The following CCDC171 variants were observed in gnomAD, a reference collection of about 807,000 sequenced individuals.
The protein encoded by CCDC171 is coiled-coil domain containing 171.
Under a neutral mutation model 168.2 loss-of-function variants are expected in CCDC171, and 177 were observed. That is an observed-to-expected ratio of 1.05 (90% CI 0.93 to 1.19). The LOEUF (loss-of-function observed/expected upper bound fraction) is 1.19, where lower values mean the gene tolerates loss of function less well. Among genes scored for constraint, CCDC171 ranks in the 50% most tolerant of loss-of-function variants. CCDC171 has a pLI of 0.00. For missense variants in CCDC171, 1,991 were observed against 1,539.0 expected, an observed-to-expected ratio of 1.29 and a Z score of -4.91; for synonymous variants, 687 against 540.8, an observed-to-expected ratio of 1.27 and a Z score of -3.75.
intron 21 of CCDC171, among the ~76,000 whole-genome samples, chr9:15,824,382 C>T (rs942272812): frequency 2.6e-5 from 4 of 151,708 alleles, no homozygotes; most frequent in South Asian, 2.1e-4. Context: ...ATGTCTGTCA[C>T]GATGTTTATT....
the CCDC171 span, among the ~76,000 whole-genome samples, chr9:16,069,601 A>C: frequency 1.3e-5 from 2 of 152,368 alleles, no homozygotes; most frequent in East Asian, 1.9e-4. Context: ...ACTGTGCTAC[A>C]TTAGAATTTA....
intron 10 of CCDC171, among the ~76,000 whole-genome samples, chr9:15,684,382 G>GT (rs1344093923): frequency 4.0e-5 from 6 of 151,100 alleles, no homozygotes; most frequent in African/African-American, 1.5e-4. Context: ...AAACCTGTTT[G>GT]TTTTTTCTAT....
chr9:16,017,781 A>G (rs1401145860), intron 3 of CCDC171, among the ~76,000 whole-genome samples: 1 of 152,222 alleles, frequency 6.6e-6, no homozygotes, highest in Non-Finnish European at 1.5e-5. Context: ...GAATTCACCT[A>G]GCTTACAAAT....
intron 21 of CCDC171, among the ~76,000 whole-genome samples, chr9:15,813,624 A>G (rs35971661): frequency 0.43 from 64,190 of 148,534 alleles, 13,911 homozygotes; most frequent in African/African-American, 0.46. Flanking sequence ...GTGTGTGTGT[A>G]TATATATATA....
chr9:15,968,734 C>G (rs1831053817), intron 25 of CCDC171, among the ~76,000 whole-genome samples: 1 of 151,858 alleles, frequency 6.6e-6, no homozygotes, highest in South Asian at 2.1e-4. Flanking sequence ...AGACGAGGTT[C>G]CACCATGTTG....
intron 3 of CCDC171, among the ~76,000 whole-genome samples, chr9:15,983,059 A>C (rs527292415): frequency 9.9e-5 from 15 of 152,256 alleles, no homozygotes; most frequent in African/African-American, 3.6e-4. Flanking sequence ...GCACTTAACT[A>C]TGGACTTGTG....
At chr9:15,682,096 T>C (rs2050078698) in intron 10 of CCDC171, among the ~76,000 whole-genome samples, 1 of 152,066 alleles carries the variant, frequency 6.6e-6, no homozygotes, top group Admixed American at 6.6e-5. Flanking sequence ...CTCTGTTACA[T>C]TGGAAAAGAA....
chr9:15,918,632 G>T (rs1824878144), intron 24 of CCDC171, among the ~76,000 whole-genome samples: 1 of 151,428 alleles, frequency 6.6e-6, no homozygotes, highest in African/African-American at 2.4e-5. Flanking sequence ...TTCAAAGGAA[G>T]ATAGGTTAGG....
intron 21 of CCDC171, among the ~76,000 whole-genome samples, chr9:15,815,227 G>A (rs1029465192): frequency 1.6e-4 from 24 of 151,980 alleles, no homozygotes; most frequent in African/African-American, 5.8e-4. Flanking sequence ...CTTCCTAGCC[G>A]CCCGTATCAT....
chr9:16,079,689 T>C, the CCDC171 span, among the ~76,000 whole-genome samples: 1 of 152,224 alleles, frequency 6.6e-6, no homozygotes, highest in Admixed American at 6.5e-5. Context: ...TGTGAGACGA[T>C]AATTCTATTG....
intron 18 of CCDC171, among the ~76,000 whole-genome samples, chr9:15,756,565 G>A (rs2056130040): frequency 6.6e-6 from 1 of 152,150 alleles, no homozygotes; most frequent in Non-Finnish European, 1.5e-5. Flanking sequence ...AGTCCCCAGT[G>A]TCTGTTCCCA....
chr9:15,981,540 A>G (rs550369260), intron 3 of CCDC171, among the ~76,000 whole-genome samples: 20 of 152,316 alleles, frequency 1.3e-4, no homozygotes, highest in African/African-American at 4.3e-4. Context: ...GTGCTGATTT[A>G]TGTATGATGA....
At chr9:16,021,818 A>G (rs1436482457) in intron 4 of CCDC171, among the ~76,000 whole-genome samples, 1 of 152,214 alleles carries the variant, frequency 6.6e-6, no homozygotes, top group African/African-American at 2.4e-5. Context: ...GTGGCTAGCT[A>G]TGTTCTAGAT....
At chr9:15,654,165 A>C (rs2047741848) in intron 7 of CCDC171, among the ~76,000 whole-genome samples, 1 of 152,056 alleles carries the variant, frequency 6.6e-6, no homozygotes, top group Admixed American at 6.6e-5. Flanking sequence ...TTACCTTGAG[A>C]CCCAAAAGGA....
intron 6 of CCDC171, among the ~76,000 whole-genome samples, chr9:16,031,547 C>A (rs917305325): frequency 1.3e-5 from 2 of 152,256 alleles, no homozygotes; most frequent in African/African-American, 2.4e-5. Flanking sequence ...CTCTAAAAAA[C>A]CAAGTTGTTC....
At chr9:15,804,489 T>A (rs1266151966) in intron 21 of CCDC171, among the ~76,000 whole-genome samples, 2 of 151,658 alleles carry the variant, frequency 1.3e-5, no homozygotes, top group Admixed American at 1.3e-4. Context: ...ATTGAGATGA[T>A]CGTATGGTTT....
rs576716345 is a variant in CCDC171 at position 15,924,591 on chromosome 9, A to G, written c.3753+4169A>G. ...CCTGCTTCCTACTACAGCCTTGAGC[A>G]TGTAACTCCTCTTCTTTGATCACCA... On this transcript the variant is annotated intron_variant, in intron 25 of 25. Transcript: ENST00000380701. 1.6e-4 allele frequency among the ~76,000 whole-genome samples: 24 copies of G among 151,742 alleles called. No homozygotes were observed. In the East Asian group the frequency reaches 3.7e-3, roughly 23 times the overall value.
At chr9:15,990,981 A>G (rs1034115614) in intron 3 of CCDC171, among the ~76,000 whole-genome samples, 3 of 152,196 alleles carry the variant, frequency 2.0e-5, no homozygotes, top group Non-Finnish European at 4.4e-5. Flanking sequence ...ATAATGGGAG[A>G]CTTTAACACC....
intron 24 of CCDC171, among the ~76,000 whole-genome samples, chr9:15,903,276 C>T (rs561018766): frequency 9.9e-5 from 15 of 152,112 alleles, no homozygotes; most frequent in Non-Finnish European, 1.5e-4. Flanking sequence ...CTGGGAGGCA[C>T]CCCCCTAGTA....
Sources: gnomAD v4.1 joint callset for allele counts (sites outside exome capture counted in the v4.1 genomes callset) on GRCh38, gnomAD v4.1.1 for gene constraint, MANE v1.5 for transcripts, NCBI Gene and HGNC (gene_info 2026-07-23, HGNC 2026-07-21) for gene names.